Variants in CDH13 observed in about 807,000 individuals in gnomAD.
The protein encoded by CDH13 is cadherin 13, also known as cadherin-13.
Under a neutral mutation model 63.8 loss-of-function variants are expected in CDH13, and 24 were observed. The ratio of observed to expected loss-of-function variants is 0.38; its 90% CI spans 0.27 to 0.53. CDH13 has a LOEUF of 0.53. Ranked by LOEUF, CDH13 falls within the 20% of genes least tolerant of loss-of-function variation. The pLI, the probability that CDH13 is intolerant of heterozygous loss-of-function variation, is 0.85. For missense variants in CDH13, 1,049 were observed against 903.1 expected (o/e 1.16, Z -2.07); for synonymous variants, 503 against 355.3 (o/e 1.42, Z -4.67).
intron 6 of CDH13, among the ~76,000 whole-genome samples, chr16:83,363,380 A>G (rs1273434513): frequency 6.6e-6 from 1 of 152,224 alleles, no homozygotes; most frequent in Non-Finnish European, 1.5e-5. Context: ...GTGTGCAAGT[A>G]TGTGTGTATA....
At chr16:82,858,892 G>C (rs1359458388) in intron 2 of CDH13, 3 of 191,564 alleles carry the variant, frequency 1.6e-5, no homozygotes, top group Non-Finnish European at 3.2e-5. Context: ...GTATGACATT[G>C]GCTTCTGGGA....
intron 1 of CDH13, among the ~76,000 whole-genome samples, chr16:82,827,666 G>A (rs945437874): frequency 1.3e-5 from 2 of 152,182 alleles, no homozygotes; most frequent in African/African-American, 2.4e-5. Context: ...AAGTGAGGAA[G>A]GACATGGAAC....
At chr16:82,773,220 T>C (rs556817820) in intron 1 of CDH13, 212 of 152,342 alleles carry the variant, frequency 1.4e-3, no homozygotes, top group African/African-American at 4.8e-3. Context: ...TGTGAATTTT[T>C]TTGTGGTAAG....
At chr16:83,101,345 G>A (rs895046448) in intron 3 of CDH13, among the ~76,000 whole-genome samples, 1 of 149,348 alleles carries the variant, frequency 6.7e-6, no homozygotes, top group African/African-American at 2.5e-5. Flanking sequence ...TATATGTGTA[G>A]TATATATAGA....
At chr16:83,221,894 C>T (rs899202203) in intron 5 of CDH13, among the ~76,000 whole-genome samples, 3 of 152,276 alleles carry the variant, frequency 2.0e-5, no homozygotes, top group African/African-American at 7.2e-5. Flanking sequence ...CAAGAATTCC[C>T]TAGATCCCTG....
intron 3 of CDH13, among the ~76,000 whole-genome samples, chr16:83,095,287 A>G (rs1001341627): frequency 6.6e-6 from 1 of 152,190 alleles, no homozygotes; most frequent in Middle Eastern, 3.2e-3. Context: ...AATTCTGTCC[A>G]CTGGTATATC....
chr16:82,872,376 G>A (rs1338019920), intron 2 of CDH13, among the ~76,000 whole-genome samples: 4 of 152,162 alleles, frequency 2.6e-5, no homozygotes, highest in African/African-American at 4.8e-5. Flanking sequence ...TCTGGAGCTG[G>A]TATAAATCTG....
rs114768533 is a variant in CDH13, at chr16:83,309,147, C to G, written c.637-35715C>G. 3.5e-3 allele frequency among the ~76,000 whole-genome samples: 528 copies of G among 152,244 alleles called. 3 individuals carry two copies. Among genetic ancestry groups the G allele is most frequent in the African/African-American group, 0.012 (499 of 41,552 alleles). On this transcript the variant is annotated intron_variant, in intron 5 of 13. Coordinates refer to ENST00000567109, the MANE Select transcript of CDH13 (RefSeq NM_001257.5). ...CTGTTTCTTCTGCATGTACATGAGC[C>G]TCATTAGCATTGAGCTTGTGTCTGT...
intron 3 of CDH13, among the ~76,000 whole-genome samples, chr16:83,110,527 G>A (rs1342206783): frequency 6.6e-6 from 1 of 152,216 alleles, no homozygotes; most frequent in Non-Finnish European, 1.5e-5. Flanking sequence ...GTCACTGTAT[G>A]TAGAGGTGTA....
intron 1 of CDH13, among the ~76,000 whole-genome samples, chr16:82,717,754 A>G (rs1261532204): frequency 1.3e-5 from 2 of 152,222 alleles, no homozygotes; most frequent in Non-Finnish European, 2.9e-5. Context: ...TAATTTGGCC[A>G]CATCTGCAAT....
chr16:82,797,114 T>G (rs4783281), intron 1 of CDH13, among the ~76,000 whole-genome samples: 1 of 152,218 alleles, frequency 6.6e-6, no homozygotes, highest in Non-Finnish European at 1.5e-5. Context: ...AAAGTCTAGA[T>G]GAAATGAGGT....
intron 2 of CDH13, among the ~76,000 whole-genome samples, chr16:82,867,944 C>A (rs923517460): frequency 2.0e-5 from 3 of 152,116 alleles, no homozygotes; most frequent in Non-Finnish European, 4.4e-5. Context: ...TTTACTTTTG[C>A]TTTCATTTCT....
At chr16:83,299,228 A>G (rs987450657) in intron 5 of CDH13, among the ~76,000 whole-genome samples, 1 of 150,974 alleles carries the variant, frequency 6.6e-6, no homozygotes, top group Non-Finnish European at 1.5e-5. Flanking sequence ...CACAGTGTGG[A>G]TGTTTCTCTT....
At chr16:83,276,842 C>G (rs1329580900) in intron 5 of CDH13, among the ~76,000 whole-genome samples, 1 of 152,108 alleles carries the variant, frequency 6.6e-6, no homozygotes, top group African/African-American at 2.4e-5. Context: ...TGCACTCCAG[C>G]CTGGGTGACA....
intron 10 of CDH13, among the ~76,000 whole-genome samples, chr16:83,702,443 G>GCCTC (rs970817535): frequency 6.6e-6 from 1 of 152,116 alleles, no homozygotes; most frequent in African/African-American, 2.4e-5. Flanking sequence ...TCAAGGTGTA[G>GCCTC]CCTCCAGGGT....
At chr16:82,764,489 A>G (rs1352951042) in intron 1 of CDH13, among the ~76,000 whole-genome samples, 2 of 152,218 alleles carry the variant, frequency 1.3e-5, no homozygotes, top group Non-Finnish European at 2.9e-5. Context: ...AGGGAAGCAG[A>G]TAGATGTGCT....
chr16:83,147,224 C>A lies in CDH13; in HGVS notation c.483+21723C>A, dbSNP rs563115309. ...AGACATCACCAACTGTAGTCAACCA[C>A]ATGTTAAAGTTGAATTGTTCCGTCT... On this transcript the variant is annotated intron_variant, in intron 4 of 13. Transcript: ENST00000567109. Among the ~76,000 whole-genome samples, 4 of 152,326 alleles carry A rather than the reference C, an allele frequency of 2.6e-5. No individual in the cohort carries two copies. The East Asian group carries it at 5.8e-4, about 22-fold the overall frequency.
At chr16:83,496,742 A>C (rs954958749) in intron 7 of CDH13, among the ~76,000 whole-genome samples, 11 of 152,208 alleles carry the variant, frequency 7.2e-5, no homozygotes, top group Non-Finnish European at 1.5e-4. Flanking sequence ...AAATGGGGAA[A>C]ATTTTCGCAA....
At chr16:83,109,484 C>T (rs1216378112) in intron 3 of CDH13, among the ~76,000 whole-genome samples, 2 of 152,050 alleles carry the variant, frequency 1.3e-5, no homozygotes, top group East Asian at 1.9e-4. Context: ...GTGACAGTGC[C>T]ACAGGGAAGG....
Sources: allele counts gnomAD v4.1 joint callset (sites outside exome capture counted in the v4.1 genomes callset), GRCh38; gene constraint gnomAD v4.1.1; transcripts MANE v1.5; gene names NCBI Gene and HGNC (gene_info 2026-07-23, HGNC 2026-07-21).